The following GSK3A variants were observed in gnomAD, a reference collection of about 807,000 sequenced individuals.
GSK3A encodes the protein glycogen synthase kinase-3 alpha.
A neutral mutation model predicts 56.6 loss-of-function variants in GSK3A; 14 were observed. That is an observed-to-expected ratio of 0.25 (90% CI 0.16 to 0.39). The LOEUF (loss-of-function observed/expected upper bound fraction) is 0.39. Ranked by LOEUF, GSK3A falls within the 10% of genes least tolerant of loss-of-function variation. The pLI, the probability that GSK3A is intolerant of heterozygous loss-of-function variation, is 1.00. For synonymous variants in GSK3A, 301 were observed against 285.0 expected (o/e 1.06, Z -0.56); for missense variants, 450 against 656.0 (o/e 0.69, Z 3.43).
chr19:42,239,809 C>T (rs2036280386), intron 2 of GSK3A, 146 bp downstream of exon 2: 1 of 663,344 alleles, frequency 1.5e-6, no homozygotes, highest in Admixed American at 2.7e-5. Context: ...CCACATTTCC[C>T]ATCTTTCACA....
intron 2 of GSK3A, 123 bp from the exon 3 acceptor site, chr19:42,237,064 G>C (rs1014724581): frequency 9.7e-6 from 7 of 724,042 alleles, no homozygotes; most frequent in African/African-American, 1.7e-5. Flanking sequence ...AGGTCCCCTG[G>C]AGTATCCCCC....
rs1355890061 is a variant in GSK3A at position 42,242,428 on chromosome 19, C to A, written c.38G>T (p.Gly13Val). The A allele has an allele frequency of 6.9e-6, 9 of 1,303,010 alleles. No homozygotes were observed. The highest frequency in any genetic ancestry group is 2.0e-6 in the Non-Finnish European group (2 of 1,025,194). The allele number at this position is 1,303,010 out of a possible 1,614,324, so 80.7% of individuals were successfully genotyped here. Reference sequence around the variant, plus strand: ...CGAGCTAGTCCGCGCCCTGCCCGAGCCCCCAGGGCCGCCTCCCGAAGGCCC... The same window carrying A: ...CGAGCTAGTCCGCGCCCTGCCCGAGACCCCAGGGCCGCCTCCCGAAGGCCC... ...GGGPSGGGPG[G>V]SGRARTSSFA... is the part of the protein sequence containing the mutation. Residue 13 changes from glycine (G) to valine (V), a missense_variant, in exon 1 of 11, where the codon GGC (glycine) becomes GTC (valine). Coordinates refer to ENST00000222330, the MANE Select transcript of GSK3A (RefSeq NM_019884.3).
chr19:42,240,210 G>T, intron 1 of GSK3A, 68 bp from the exon 2 acceptor site: 1 of 1,419,714 alleles, frequency 7.0e-7, no homozygotes, highest in East Asian at 2.3e-5. Context: ...TCCTGGGGCT[G>T]TGGGAGGAAG....
chr19:42,232,779 T>C (rs1240056543), intron 8 of GSK3A, 97 bp from the exon 9 acceptor site: 1 of 1,048,610 alleles, frequency 9.5e-7, no homozygotes. Flanking sequence ...AAGTTATGAC[T>C]GGTTGCTTCC....
At chr19:42,233,260 C>CT in intron 7 of GSK3A, 26 bp downstream of exon 7, 6 of 1,477,600 alleles carry the variant, frequency 4.1e-6, no homozygotes, top group African/African-American at 1.4e-5. Flanking sequence ...GCCCCACCCC[C>CT]TGCCCAGCCC....
At chr19:42,231,050 A>T (rs2036220669) in intron 10 of GSK3A, among the ~76,000 whole-genome samples, 183 bp from the exon 11 acceptor site, 1 of 152,224 alleles carries the variant, frequency 6.6e-6, no homozygotes, top group South Asian at 2.1e-4. Context: ...GACACACCAG[A>T]GTGCCAGGCT....
Position 42,239,952 on chromosome 19 carries a change from T to C in GSK3A, c.471+3A>G, listed in dbSNP as rs763753968. 4 of 1,613,634 alleles carry C rather than the reference T, an allele frequency of 2.5e-6. No homozygotes were observed. The highest frequency in any genetic ancestry group is 3.4e-6 in the Non-Finnish European group (4 of 1,179,582). ...CTCCCTGTCCCCATCCCGCCCAAGCTACCTTGAACCTCTTGTCCTGGAGAA... is the reference window on the plus strand; with the variant it reads ...CTCCCTGTCCCCATCCCGCCCAAGCCACCTTGAACCTCTTGTCCTGGAGAA... On this transcript the variant is annotated splice_donor_region_variant and intron_variant, in intron 2 of 10. Transcript: ENST00000222330.
At chr19:42,232,017 T>A in intron 10 of GSK3A, 40 bp downstream of exon 10, 1 of 1,170,744 alleles carries the variant, frequency 8.5e-7, no homozygotes, top group Non-Finnish European at 1.3e-6. Flanking sequence ...CTCTCCAGGC[T>A]GAGAGATACT....
At chr19:42,233,075 A>C (rs2036234666) in intron 8 of GSK3A, 35 bp downstream of exon 8, 2 of 1,372,468 alleles carry the variant, frequency 1.5e-6, no homozygotes, top group South Asian at 1.3e-5. Flanking sequence ...ACCAGCTCTC[A>C]GCCATACTGC....
Position 42,234,906 on chromosome 19 carries a change from C to T in GSK3A, c.667-228G>A, listed in dbSNP as rs1222653314. ...GGGCGTGGCGGGTCACGCCTGTAAT[C>T]CCGGTATTTTGGGAGGCCAAGACCA... On this transcript the variant is annotated intron_variant, in intron 4 of 10. Coordinates refer to ENST00000222330, the MANE Select transcript of GSK3A (RefSeq NM_019884.3). This position sits in a 1 kb window ranked among gnomAD's most constrained non-coding sequence, Gnocchi z 5.7. Among the ~76,000 whole-genome samples the T allele has an allele frequency of 6.6e-6, 1 of 152,298 alleles. No individual in the cohort carries two copies. Among genetic ancestry groups the T allele is most frequent in the South Asian group, 2.1e-4 (1 of 4,828 alleles).
chr19:42,232,086 C>G lies in GSK3A; in HGVS notation c.1349G>C (p.Gly450Ala), dbSNP rs1464135401. 1 of 1,608,838 alleles carries G rather than the reference C, an allele frequency of 6.2e-7. No individual in the cohort carries two copies. The highest frequency in any genetic ancestry group is 1.3e-5 in the African/African-American group (1 of 74,856). ...LIPPHLRSPA[G>A]TTTLTPSSQA... is the part of the protein sequence containing the mutation. ...TGAGGACGGGGTGAGGGTGGTAGTG[C>G]CCGCTGGGGACCTCAAGTGAGGAGG... The change falls in exon 10 of 11, where the codon GGC (glycine) becomes GCC (alanine). Residue 450 changes from glycine (G) to alanine (A), a missense_variant. Physicochemically the swap from Gly to Ala is moderately conservative, Grantham distance 60. Coordinates refer to ENST00000222330, the MANE Select transcript of GSK3A (RefSeq NM_019884.3).
In GSK3A at chr19:42,233,131, A is replaced by G. The variant is rs372734315; in HGVS notation, c.1077T>C (p.Ile359=). 2.7e-5 allele frequency: 43 copies of G among 1,602,330 alleles called. No individual in the cohort carries two copies. The African/African-American group carries it at 5.2e-4, about 19-fold the overall frequency. The change falls in exon 8 of 11, where the codon ATT becomes ATC. Residue 359 remains isoleucine, a synonymous_variant. Transcript: ENST00000222330. ...PNYTEFKFPQ[I]KAHPWTKVFK... The stretch of plus-strand genomic sequence containing the variant: ...CCACCTTTGTCCAGGGGTGAGCTTT[A>G]ATCTGAGGGAACTTGAACTCCGTGT...
chr19:42,230,783 T>C lies in GSK3A; in HGVS notation c.*11A>G, dbSNP rs932172464. The C allele has an allele frequency of 8.4e-6, 13 of 1,548,736 alleles. No individual in the cohort carries two copies. Among genetic ancestry groups the C allele is most frequent in the Non-Finnish European group, 1.1e-5 (13 of 1,142,650 alleles). ...TCCCAGATGGAAGTGGAAGGGTGCT[T>C]GGTGGGGCCCTCAGGAGGAGTTAGT... On this transcript the variant is annotated 3_prime_UTR_variant, in exon 11 of 11. Coordinates refer to ENST00000222330, the MANE Select transcript of GSK3A (RefSeq NM_019884.3).
chr19:42,232,088 C>G lies in GSK3A; in HGVS notation c.1347G>C (p.Ala449=). ...ILIPPHLRSP[A]GTTTLTPSSQ... ...AGGACGGGGTGAGGGTGGTAGTGCC[C>G]GCTGGGGACCTCAAGTGAGGAGGGA... Residue 449 remains alanine, a synonymous_variant, in exon 10 of 11, where the codon GCG becomes GCC. Transcript: ENST00000222330. The G allele has an allele frequency of 6.2e-7, 1 of 1,609,518 alleles. No homozygotes were observed.
Position 42,232,650 on chromosome 19 carries a change from G to C in GSK3A, c.1131C>G (p.Ile377Met). 6.3e-7 allele frequency: 1 copy of C among 1,599,976 alleles called. No individual in the cohort carries two copies. Among genetic ancestry groups the C allele is most frequent in the Non-Finnish European group, 8.5e-7 (1 of 1,171,118 alleles). Residue 377 changes from isoleucine (I) to methionine (M), a missense_variant, in exon 9 of 11, where the codon ATC (isoleucine) becomes ATG (methionine). Around this residue, in one of 3 missense-constraint regions of GSK3A, gnomAD observed 113 missense variants for 147.5 expected, o/e 0.77. Transcript: ENST00000222330. ...ACTCCAGCAGGCTAGAGCAGAGCGCGATGGCCTCTGGCGGCGTTCGAGATT... is the reference window on the plus strand; with the variant it reads ...ACTCCAGCAGGCTAGAGCAGAGCGCCATGGCCTCTGGCGGCGTTCGAGATT... ...VFKSRTPPEAIALCSSLLEYT... is the reference protein window; with the variant it reads ...VFKSRTPPEAMALCSSLLEYT...
chr19:42,230,512 G>A lies in GSK3A; in HGVS notation c.*282C>T. On this transcript the variant is annotated 3_prime_UTR_variant, in exon 11 of 11. Transcript: ENST00000222330. ...GAGGGGAGGGGGTCTGGAGGAGGTG[G>A]AGGTCTGGGGGAGGGGAGGGGGCCA... 1 of 490,414 alleles carries A rather than the reference G, an allele frequency of 2.0e-6. No individual in the cohort carries two copies. Among genetic ancestry groups the A allele is most frequent in the African/African-American group, 1.9e-5 (1 of 51,360 alleles). The allele number at this position is 490,414 out of a possible 1,614,324, so 30.4% of individuals were successfully genotyped here.
chr19:42,232,278 G>T, intron 9 of GSK3A, 129 bp from the exon 10 acceptor site: 1 of 741,774 alleles, frequency 1.3e-6, no homozygotes, highest in Non-Finnish European at 2.3e-6. Context: ...CTCTCTCAAT[G>T]AAAAACCAGA....
rs2036237036 is a variant in GSK3A at position 42,233,369 on chromosome 19, C to T, written c.919G>A (p.Gly307Ser). 1 of 1,579,568 alleles carries T rather than the reference C, an allele frequency of 6.3e-7. No individual in the cohort carries two copies. The highest frequency in any genetic ancestry group is 8.6e-7 in the Non-Finnish European group (1 of 1,160,744). ...YTSSIDVWSA[G>S]CVLAELLLGQ... ...AAGAGGAGCTCTGCCAGTACACAGC[C>T]AGCTGACCAAACATCTGAGGGGAAA... is the stretch of plus-strand genomic sequence containing the variant. The change falls in exon 7 of 11, where the codon GGC becomes AGC. Residue 307 changes from glycine (G) to serine (S), a missense_variant. Gly to Ser is a moderately conservative substitution (Grantham distance 56). Coordinates refer to ENST00000222330, the MANE Select transcript of GSK3A (RefSeq NM_019884.3).
chr19:42,234,447 C>T lies in GSK3A; in HGVS notation c.810G>A (p.Leu270=). The T allele has an allele frequency of 6.2e-7, 1 of 1,614,182 alleles. No individual in the cohort carries two copies. Among genetic ancestry groups the T allele is most frequent in the Non-Finnish European group, 8.5e-7 (1 of 1,180,008 alleles). Residue 270 remains leucine, a synonymous_variant, in exon 6 of 11, where the codon TTG becomes TTA. Transcript: ENST00000222330. The surrounding 1 kb of genome is among the most constrained non-coding windows in gnomAD (Gnocchi z 5.7). Reference sequence around the variant, plus strand: ...AGGAGACATTGGGCTCCCCTCGGACCAACTGCTTTGCACTGTGGGAAGAGA... The same window carrying T: ...AGGAGACATTGGGCTCCCCTCGGACTAACTGCTTTGCACTGTGGGAAGAGA... ...KLCDFGSAKQ[L]VRGEPNVSYI... is the part of the protein sequence containing the mutation.
Sources: allele counts gnomAD v4.1 joint callset (sites outside exome capture counted in the v4.1 genomes callset), GRCh38; gene constraint gnomAD v4.1.1; regional missense constraint gnomAD v4.1.1; non-coding constraint Gnocchi (gnomAD v3.1); transcripts MANE v1.5; gene names NCBI Gene and HGNC (gene_info 2026-07-23, HGNC 2026-07-21).